The following GPT2 variants were observed in gnomAD, a reference collection of about 807,000 sequenced individuals.
GPT2 encodes alanine aminotransferase 2.
In GPT2, 30 loss-of-function variants were observed where a neutral mutation model predicts 56.9. That is an observed-to-expected ratio of 0.53 (90% CI 0.39 to 0.72). The LOEUF is 0.72. Ranked by LOEUF, GPT2 falls within the 30% of genes least tolerant of loss-of-function variation. The pLI, the probability that GPT2 is intolerant of heterozygous loss-of-function variation, is 0.00. For missense variants in GPT2, 542 were observed against 703.4 expected, an observed-to-expected ratio of 0.77 and a Z score of 2.60; for synonymous variants, 271 against 283.1, an observed-to-expected ratio of 0.96 and a Z score of 0.43.
chr16:46,916,523 C>T (rs1961169093), intron 6 of GPT2, 105 bp from the exon 7 acceptor site: 3 of 853,296 alleles, frequency 3.5e-6, no homozygotes, highest in African/African-American at 3.3e-5. Flanking sequence ...TTCTATGGGT[C>T]TCAAGGGAAC....
chr16:46,884,714 C>T lies in GPT2; in HGVS notation c.-2C>T, dbSNP rs749695994. Reference sequence around the variant, plus strand: ...GCCAGGGTTTCTCTCCGCAAGCGCGCGATGCAGCGGGCGGCGGCGCTGGTC... The same window carrying T: ...GCCAGGGTTTCTCTCCGCAAGCGCGTGATGCAGCGGGCGGCGGCGCTGGTC... On this transcript the variant is annotated 5_prime_UTR_variant, in exon 2 of 12. Transcript: ENST00000340124. 1.5e-6 allele frequency: 2 copies of T among 1,376,584 alleles called. No homozygotes were observed. Among genetic ancestry groups the T allele is most frequent in the African/African-American group, 1.5e-5 (1 of 66,554 alleles). The allele number at this position is 1,376,584 out of a possible 1,614,324, so 85.3% of individuals were successfully genotyped here. A position where few individuals can be genotyped will look rare whatever the true frequency, so the allele number is the denominator to read the frequency against.
Position 46,884,400 on chromosome 16 carries a change from C to T in GPT2, c.-90C>T, listed in dbSNP as rs965239090. 4 of 215,760 alleles carry T rather than the reference C, an allele frequency of 1.9e-5. No homozygotes were observed. Among genetic ancestry groups the T allele is most frequent in the Non-Finnish European group, 9.1e-6 (1 of 110,086 alleles). The allele number at this position is 215,760 out of a possible 1,614,324, so 13.4% of individuals were successfully genotyped here. On this transcript the variant is annotated 5_prime_UTR_variant, in exon 1 of 12. Coordinates refer to ENST00000340124, the MANE Select transcript of GPT2 (RefSeq NM_133443.4). Reference sequence around the variant, plus strand: ...GGCGCGGGGATGCGGCTGTGGGCGCCGGGGCCGGGTAGCTGCTCCAGGCGC... The same window carrying T: ...GGCGCGGGGATGCGGCTGTGGGCGCTGGGGCCGGGTAGCTGCTCCAGGCGC...
intron 11 of GPT2, 42 bp from the exon 12 acceptor site, chr16:46,928,865 C>A: frequency 1.4e-6 from 2 of 1,480,562 alleles, no homozygotes; most frequent in Non-Finnish European, 1.9e-6. Flanking sequence ...CCTCTCCCAT[C>A]TTGCAGAGCA....
chr16:46,905,330 T>G (rs1399399257), intron 4 of GPT2, among the ~76,000 whole-genome samples: 1 of 152,078 alleles, frequency 6.6e-6, no homozygotes, highest in Non-Finnish European at 1.5e-5. Flanking sequence ...AGTAGAGGCG[T>G]GAACCACTGC....
At chr16:46,915,130 G>C (rs1388151453) in intron 6 of GPT2, among the ~76,000 whole-genome samples, 1 of 151,876 alleles carries the variant, frequency 6.6e-6, no homozygotes. Flanking sequence ...CATGCGGTCT[G>C]GAACTCCTGG....
chr16:46,897,632 C>T lies in GPT2; in HGVS notation c.244-16C>T, dbSNP rs981365481. The T allele has an allele frequency of 6.2e-6, 10 of 1,612,734 alleles. No individual in the cohort carries two copies. The highest frequency in any genetic ancestry group is 8.5e-6 in the Non-Finnish European group (10 of 1,178,852). ...AGAGTTTCTAAGTAACCACCTGTTG[C>T]TTTCTCTCTGCCCAGGGTATCAAAA... On this transcript the variant is annotated splice_polypyrimidine_tract_variant and intron_variant, in intron 2 of 11. Transcript: ENST00000340124.
chr16:46,885,088 A>G, intron 2 of GPT2, 130 bp downstream of exon 2: 1 of 1,350,082 alleles, frequency 7.4e-7, no homozygotes. Context: ...AGCCTGGCTA[A>G]AACGAGAGAA....
At chr16:46,902,689 G>A (rs768009065) in intron 4 of GPT2, among the ~76,000 whole-genome samples, 5 of 152,066 alleles carry the variant, frequency 3.3e-5, no homozygotes, top group South Asian at 2.1e-4. Flanking sequence ...GCGGTGGCAC[G>A]ATCTTGGTTC....
chr16:46,908,387 G>T (rs939094588), intron 5 of GPT2, among the ~76,000 whole-genome samples: 2 of 151,064 alleles, frequency 1.3e-5, no homozygotes, highest in Admixed American at 1.3e-4. Flanking sequence ...CAGTCCTGGG[G>T]TGGGGGGACT....
At chr16:46,910,352 G>A (rs1961022803) in intron 6 of GPT2, among the ~76,000 whole-genome samples, 1 of 117,592 alleles carries the variant, frequency 8.5e-6, no homozygotes, top group Non-Finnish European at 1.6e-5. Context: ...CTGCACTCAA[G>A]CCTGGGTGAC....
Position 46,884,916 on chromosome 16 carries a change from C to T in GPT2, c.201C>T (p.Pro67=). The T allele has an allele frequency of 2.0e-6, 3 of 1,538,426 alleles. No homozygotes were observed. Among genetic ancestry groups the T allele is most frequent in the Non-Finnish European group, 2.6e-6 (3 of 1,141,458 alleles). ...VKAVEYAVRG[P]IVLKAGEIEL... Reference sequence around the variant, plus strand: ...CGGTGGAGTACGCCGTGCGGGGACCCATCGTGCTCAAGGCCGGCGAGATCG... The same window carrying T: ...CGGTGGAGTACGCCGTGCGGGGACCTATCGTGCTCAAGGCCGGCGAGATCG... The change falls in exon 2 of 12, where the codon CCC becomes CCT. Residue 67 remains proline (P), a synonymous_variant. Coordinates refer to ENST00000340124, the MANE Select transcript of GPT2 (RefSeq NM_133443.4).
chr16:46,913,094 C>T (rs755317883), intron 6 of GPT2, among the ~76,000 whole-genome samples: 11 of 152,218 alleles, frequency 7.2e-5, no homozygotes, highest in South Asian at 2.1e-4. Context: ...CCTTCTCCTG[C>T]GCCACTGTTC....
At chr16:46,912,274 A>T (rs1206349469) in intron 6 of GPT2, among the ~76,000 whole-genome samples, 2 of 152,188 alleles carry the variant, frequency 1.3e-5, no homozygotes, top group African/African-American at 4.8e-5. Flanking sequence ...CCTGAGTCAG[A>T]GTCCGTGTCA....
chr16:46,916,058 A>AGAGCC (rs1961153202), intron 6 of GPT2: 1 of 153,490 alleles, frequency 6.5e-6, no homozygotes, highest in African/African-American at 2.4e-5. Flanking sequence ...CATAAAAATA[A>AGAGCC]GAGCCGGGCC....
Position 46,884,370 on chromosome 16 carries a change from CGCCGGGCGCGGGG to C in GPT2, c.-119_-107del, listed in dbSNP as rs1268730797. On this transcript the variant is annotated 5_prime_UTR_variant, in exon 1 of 12. Coordinates refer to ENST00000340124, the MANE Select transcript of GPT2 (RefSeq NM_133443.4). ...GAGCGCAGGGGCCGGGCGGCGCGGG[CGCCGGGCGCGGGG>C]ATGCGGCTGTGGGCGCCGGGGCCGG... 1.6e-5 allele frequency: 3 copies of C among 181,850 alleles called. No individual in the cohort carries two copies. Among genetic ancestry groups the C allele is most frequent in the Non-Finnish European group, 3.4e-5 (3 of 88,116 alleles). The allele number at this position is 181,850 out of a possible 1,614,324, so 11.3% of individuals were successfully genotyped here.
chr16:46,909,428 G>A (rs953311267), intron 5 of GPT2, among the ~76,000 whole-genome samples: 1 of 152,110 alleles, frequency 6.6e-6, no homozygotes, highest in Non-Finnish European at 1.5e-5. Context: ...TAGGATTTTA[G>A]ACGTGAGCCA....
chr16:46,885,478 ATCCTGAT>A, intron 2 of GPT2: 2 of 985,384 alleles, frequency 2.0e-6, no homozygotes, highest in Non-Finnish European at 2.4e-6. Context: ...GTCTTTGCCA[ATCCTGAT>A]TCCCGGAAGA....
At chr16:46,924,619 C>A (rs1961365896) in intron 10 of GPT2, 75 bp downstream of exon 10, 1 of 1,515,052 alleles carries the variant, frequency 6.6e-7, no homozygotes, top group Non-Finnish European at 9.1e-7. Context: ...CCCTGCTTAT[C>A]TTGGGGAGCA....
At chr16:46,885,241 A>G (rs745513886) in intron 2 of GPT2, 80 of 1,190,682 alleles carry the variant, frequency 6.7e-5, no homozygotes, top group African/African-American at 2.5e-4. Flanking sequence ...TGTCTGCCCT[A>G]CTCTCGTGGA....
Sources: allele counts gnomAD v4.1 joint callset (sites outside exome capture counted in the v4.1 genomes callset), GRCh38; gene constraint gnomAD v4.1.1; transcripts MANE v1.5; gene names NCBI Gene and HGNC (gene_info 2026-07-23, HGNC 2026-07-21).